The following UNC80 variants were observed in gnomAD, a reference collection of about 807,000 sequenced individuals.
UNC80 encodes protein unc-80 homolog.
UNC80 carries 164 observed loss-of-function variants against 384.6 expected under a neutral mutation model. The ratio of observed to expected loss-of-function variants is 0.43; its 90% CI spans 0.38 to 0.49. The LOEUF (loss-of-function observed/expected upper bound fraction) is 0.49. Among genes scored for constraint, UNC80 ranks in the 20% least tolerant of loss-of-function variants. The pLI, the probability that UNC80 is intolerant of heterozygous loss-of-function variation, is 0.00. For synonymous variants in UNC80, 1,486 were observed against 1,527.8 expected, an observed-to-expected ratio of 0.97 and a Z score of 0.64; for missense variants, 3,330 against 4,143.0, an observed-to-expected ratio of 0.80 and a Z score of 5.39.
chr2:209,905,118 C>T (rs1034096128), intron 29 of UNC80, among the ~76,000 whole-genome samples, 153 bp downstream of exon 29: 1 of 152,132 alleles, frequency 6.6e-6, no homozygotes, highest in African/African-American at 2.4e-5. Flanking sequence ...ACAAGAAAGA[C>T]AAATGTTTTG....
At chr2:209,928,196 C>T (rs550248647) in intron 36 of UNC80, among the ~76,000 whole-genome samples, 4 of 152,026 alleles carry the variant, frequency 2.6e-5, no homozygotes, top group Admixed American at 6.6e-5. Flanking sequence ...ATTAGCCAGG[C>T]GTGGTGGCAC....
chr2:209,930,643 A>G (rs2090783421), intron 37 of UNC80, among the ~76,000 whole-genome samples: 2 of 152,060 alleles, frequency 1.3e-5, no homozygotes, highest in Admixed American at 1.3e-4. Context: ...TCAGGCTACC[A>G]TGGCCAATAG....
chr2:209,945,098 G>A lies in UNC80; in HGVS notation c.7098G>A (p.Leu2366=). The change falls in exon 46 of 65, where the codon CTG becomes CTA. Residue 2366 remains leucine (L), a synonymous_variant. Coordinates refer to ENST00000673920, the MANE Select transcript of UNC80 (RefSeq NM_001371986.1). ...GPSKGVSAQC[L]FDLLQSLEGE... ...GCAAAGGTGTGTCAGCTCAGTGCCT[G>A]TTTGACTTGCTGCAGTCCCTAGAGG... The A allele has an allele frequency of 1.9e-6, 3 of 1,551,756 alleles. No homozygotes were observed. Among genetic ancestry groups the A allele is most frequent in the Non-Finnish European group, 2.6e-6 (3 of 1,146,910 alleles).
At chr2:209,933,791 C>T (rs1026057625) in intron 38 of UNC80, 31 bp from the exon 39 acceptor site, 1 of 1,510,546 alleles carries the variant, frequency 6.6e-7, no homozygotes, top group Non-Finnish European at 8.9e-7. Context: ...ATTATTGTAG[C>T]TTTGTGAACT....
intron 33 of UNC80, among the ~76,000 whole-genome samples, chr2:209,921,071 A>G (rs993708381): frequency 6.6e-6 from 1 of 151,622 alleles, no homozygotes; most frequent in African/African-American, 2.4e-5. Flanking sequence ...CAAGTGATCC[A>G]CCCGCCTCAG....
At chr2:209,817,280 T>C (rs2153827572) in intron 10 of UNC80, among the ~76,000 whole-genome samples, 155 bp downstream of exon 10, 1 of 152,224 alleles carries the variant, frequency 6.6e-6, no homozygotes, top group Non-Finnish European at 1.5e-5. Context: ...TAATGCTGTG[T>C]TTTCACAGCC....
rs566310159 is a variant in UNC80 at position 209,883,731 on chromosome 2, C to T, written c.4110+2637C>T. Reference sequence around the variant, plus strand: ...TACAGGCGTGAGCCACAGCATCTGGCCCCCACTCTTTGATTCTATAAATTT... The same window carrying T: ...TACAGGCGTGAGCCACAGCATCTGGTCCCCACTCTTTGATTCTATAAATTT... On this transcript the variant is annotated intron_variant, in intron 25 of 64. Coordinates refer to ENST00000673920, the MANE Select transcript of UNC80 (RefSeq NM_001371986.1). Among the ~76,000 whole-genome samples, 5 of 152,272 alleles carry T rather than the reference C, an allele frequency of 3.3e-5. No individual in the cohort carries two copies. The South Asian group carries it at 1.0e-3, about 32-fold the overall frequency.
chr2:209,901,050 G>A (rs369440411), intron 28 of UNC80, among the ~76,000 whole-genome samples: 5 of 152,364 alleles, frequency 3.3e-5, no homozygotes, highest in African/African-American at 1.2e-4. Context: ...AGGTGAAGCA[G>A]CAAGTACTGA....
intron 7 of UNC80, among the ~76,000 whole-genome samples, chr2:209,807,584 C>T (rs1054910859): frequency 2.6e-5 from 4 of 151,720 alleles, no homozygotes; most frequent in African/African-American, 9.7e-5. Context: ...AGGATGGTCT[C>T]GATCTCCTGA....
intron 22 of UNC80, among the ~76,000 whole-genome samples, chr2:209,856,103 C>T (rs2082894495): frequency 6.6e-6 from 1 of 152,004 alleles, no homozygotes; most frequent in South Asian, 2.1e-4. Flanking sequence ...ATGAAAACTC[C>T]TGTTTCTCTA....
At position 209,945,161 on chromosome 2, in the gene UNC80, C is replaced by G. The variant is rs575682764; in HGVS notation, c.7161C>G (p.Val2387=). 4.5e-6 allele frequency: 7 copies of G among 1,551,006 alleles called. No homozygotes were observed. The Admixed American group carries it at 1.2e-4, about 26-fold the overall frequency. Residue 2387 remains valine, a synonymous_variant, in exon 46 of 65, where the codon GTC becomes GTG. Coordinates refer to ENST00000673920, the MANE Select transcript of UNC80 (RefSeq NM_001371986.1). ...TTDILDILEL[V]KAEKPLKSLD... is the part of the protein sequence containing the mutation. ...ACATATTAGACATCTTAGAGCTGGTCAAAGCTGAGAAGCCTCTCAAGTCAT... is the reference window on the plus strand; with the variant it reads ...ACATATTAGACATCTTAGAGCTGGTGAAAGCTGAGAAGCCTCTCAAGTCAT...
Position 209,817,923 on chromosome 2 carries a change from A to T in UNC80, c.1664A>T (p.Asn555Ile). 3.2e-6 allele frequency: 5 copies of T among 1,551,608 alleles called. No individual in the cohort carries two copies. Among genetic ancestry groups the T allele is most frequent in the Non-Finnish European group, 4.4e-6 (5 of 1,146,978 alleles). ...TLVSDLPDPS[N>I]SHGENTVKEV... ...GTAAGCGACCTGCCGGACCCCTCCA[A>T]CAGCCATGGAGAAAACACCGTCAAG... The change falls in exon 11 of 65, where the codon AAC becomes ATC. Residue 555 changes from asparagine (N) to isoleucine (I), a missense_variant. Around this residue, in one of 8 missense-constraint regions of UNC80, gnomAD observed 937 missense variants for 1,026.8 expected, o/e 0.91. Coordinates refer to ENST00000673920, the MANE Select transcript of UNC80 (RefSeq NM_001371986.1).
intron 7 of UNC80, chr2:209,808,767 T>TTCTGCGCTACTCAGCGACATCGTTGCC: frequency 1.7e-5 from 1 of 59,206 alleles, no homozygotes; most frequent in Non-Finnish European, 2.9e-5. Flanking sequence ...CCTGCGCTAC[T>TTCTGCGCTACTCAGCGACATCGTTGCC]TCTGCGCTAC....
At chr2:209,844,940 C>A (rs12386217) in intron 21 of UNC80, among the ~76,000 whole-genome samples, 4,978 of 151,856 alleles carry the variant, frequency 0.033, 268 homozygotes, top group African/African-American at 0.11. Flanking sequence ...CTGTCTGCTG[C>A]GAACTGAATG....
At chr2:209,831,664 A>T in intron 16 of UNC80, 73 bp downstream of exon 16, 1 of 1,375,702 alleles carries the variant, frequency 7.3e-7, no homozygotes, top group Non-Finnish European at 9.5e-7. Context: ...TGTCGTGGCC[A>T]TGAGTAAGAG....
At chr2:209,929,244 C>T (rs2090662430) in intron 36 of UNC80, among the ~76,000 whole-genome samples, 1 of 152,038 alleles carries the variant, frequency 6.6e-6, no homozygotes, top group South Asian at 2.1e-4. Context: ...TGTTTTTTAC[C>T]CACTTGCTTT....
chr2:209,896,379 A>G lies in UNC80; in HGVS notation c.4547A>G (p.Glu1516Gly), dbSNP rs1450556867. 1.3e-6 allele frequency: 2 copies of G among 1,551,516 alleles called. No homozygotes were observed. The highest frequency in any genetic ancestry group is 1.7e-6 in the Non-Finnish European group (2 of 1,146,960). The change falls in exon 28 of 65, where the codon GAG (glutamate) becomes GGG (glycine). Residue 1516 changes from glutamate to glycine, a missense_variant. This residue lies in a region of UNC80 where 801 missense variants were observed against 950.8 expected (regional missense o/e 0.84). Transcript: ENST00000673920. ...GAGGGAATGAGTAATGCCGGCGCGG[A>G]GGAGAATTACCACAGAAACATGTCG... is the stretch of plus-strand genomic sequence containing the variant. ...EPEGMSNAGA[E>G]ENYHRNMSWL...
At position 209,935,856 on chromosome 2, in the gene UNC80, C is replaced by A; in HGVS notation, c.6273+48C>A. On this transcript the variant is annotated intron_variant, in intron 40 of 64. Coordinates refer to ENST00000673920, the MANE Select transcript of UNC80 (RefSeq NM_001371986.1). ...ACAATTTTTAAGGACAATGCTATGG[C>A]CACCTCACTGAAGATCCATTTTAGA... 6 of 1,117,938 alleles carry A rather than the reference C, an allele frequency of 5.4e-6. No individual in the cohort carries two copies. In the South Asian group the frequency reaches 5.8e-5, roughly 11 times the overall value. 69.3% of individuals were successfully genotyped at this position (1,117,938 alleles called of 1,614,324 possible).
intron 45 of UNC80, among the ~76,000 whole-genome samples, chr2:209,944,072 T>A (rs561602828): frequency 6.6e-6 from 1 of 152,326 alleles, no homozygotes; most frequent in East Asian, 1.9e-4. Flanking sequence ...GTCTCTGAGC[T>A]CTCTTTCTTT....
Sources: allele counts gnomAD v4.1 joint callset (sites outside exome capture counted in the v4.1 genomes callset), GRCh38; gene constraint gnomAD v4.1.1; regional missense constraint gnomAD v4.1.1; transcripts MANE v1.5; gene names NCBI Gene and HGNC (gene_info 2026-07-23, HGNC 2026-07-21).